Variants in OASL observed in about 807,000 individuals in gnomAD.
OASL encodes 2'-5'-oligoadenylate synthase-like protein.
In OASL, 28 loss-of-function variants were observed where a neutral mutation model predicts 35.3. That is an observed-to-expected ratio of 0.79 (90% confidence interval 0.59 to 1.09). The LOEUF (loss-of-function observed/expected upper bound fraction) is 1.09. Among genes scored for constraint, OASL ranks in the 50% least tolerant of loss-of-function variants. OASL has a pLI of 0.00. For missense variants in OASL, 620 were observed against 635.2 expected (o/e 0.98, Z 0.26); for synonymous variants, 252 against 254.6 (o/e 0.99, Z 0.10).
At chr12:121,019,387 A>AG (rs1491506694) in exon 6 of OASL, 3 of 150,540 alleles carry the variant, frequency 2.0e-5, no homozygotes, top group African/African-American at 7.3e-5. Flanking sequence ...TAGGCAAAAC[A>AG]GGGGGGCAAA....
chr12:121,026,469 CAG>C (rs1342492840), intron 4 of OASL, among the ~76,000 whole-genome samples: 1 of 152,088 alleles, frequency 6.6e-6, no homozygotes, highest in East Asian at 1.9e-4. Context: ...GGGAGTGAGA[CAG>C]TGAGACAGAT....
At chr12:121,024,045 T>A in exon 5 of OASL, 1 of 1,614,176 alleles carries the variant, frequency 6.2e-7, no homozygotes. Flanking sequence ...ACAGTCCTGT[T>A]TCAGGCACTG....
At chr12:121,024,250 A>G (rs1869386139) in intron 4 of OASL, 113 bp from the exon 5 acceptor site, 1 of 1,154,992 alleles carries the variant, frequency 8.7e-7, no homozygotes, top group Non-Finnish European at 1.2e-6. Context: ...TGATATCCAC[A>G]TCCCGGGGAT....
At chr12:121,020,269 G>A (rs1869173765) in exon 6 of OASL, 1 of 272,360 alleles carries the variant, frequency 3.7e-6, no homozygotes, top group East Asian at 7.9e-5. Context: ...GAGTGCCTGA[G>A]ACTACAAATG....
At position 121,038,925 on chromosome 12, in the gene OASL, T is replaced by C. The variant is rs199714834; in HGVS notation, c.47A>G (p.Asp16Gly). ...CTGCAGCCACTGAGCCACGAAGGAG[T>C]CCAGCCTGGAGGCTGGTGTGCTATA... Residue 16 changes from aspartate (D) to glycine (G), a missense_variant, in exon 1 of 6, where the codon GAC (aspartate) becomes GGC (glycine). Physicochemically the swap from Asp to Gly is moderately conservative, Grantham distance 94. Coordinates refer to ENST00000257570, the Ensembl canonical transcript of OASL. 53 of 1,613,998 alleles carry C rather than the reference T, an allele frequency of 3.3e-5. No homozygotes were observed. In the East Asian group the frequency reaches 1.2e-3, roughly 36 times the overall value.
At chr12:121,039,147 T>C in exon 1 of OASL, 1 of 607,438 alleles carries the variant, frequency 1.6e-6, no homozygotes, top group Non-Finnish European at 2.9e-6. Flanking sequence ...CAGGTCCCCC[T>C]TCTTGGAGAC....
chr12:121,027,549 T>G, intron 4 of OASL, 27 bp downstream of exon 4: 1 of 1,611,002 alleles, frequency 6.2e-7, no homozygotes, highest in Non-Finnish European at 8.5e-7. Flanking sequence ...TTCTGTAAGA[T>G]TTGGTGGGCA....
chr12:121,026,319 G>C (rs1869480873), intron 4 of OASL, among the ~76,000 whole-genome samples: 1 of 152,152 alleles, frequency 6.6e-6, no homozygotes. Context: ...CTACATAACA[G>C]AACACTAAAT....
chr12:121,032,178 G>A (rs1869763402), intron 2 of OASL, among the ~76,000 whole-genome samples: 1 of 151,348 alleles, frequency 6.6e-6, no homozygotes, highest in Non-Finnish European at 1.5e-5. Context: ...GGGCGACAGA[G>A]CGAGACTCCG....
At chr12:121,028,083 G>C (rs936058996) in intron 3 of OASL, among the ~76,000 whole-genome samples, 1 of 152,202 alleles carries the variant, frequency 6.6e-6, no homozygotes, top group African/African-American at 2.4e-5. Flanking sequence ...AGCAGATTGC[G>C]CTCGGTCACA....
chr12:121,025,441 A>G (rs563582261), intron 4 of OASL, among the ~76,000 whole-genome samples: 1 of 152,236 alleles, frequency 6.6e-6, no homozygotes, highest in South Asian at 2.1e-4. Context: ...TTGCTTATTA[A>G]CTTGGGGTGA....
chr12:121,030,676 G>A (rs1335722112), intron 3 of OASL, among the ~76,000 whole-genome samples: 1 of 152,100 alleles, frequency 6.6e-6, no homozygotes, highest in African/African-American at 2.4e-5. Context: ...TGCTGCCTGA[G>A]AAATGTCCCT....
At chr12:121,033,486 G>C (rs760067436) in exon 2 of OASL, 41 of 1,613,206 alleles carry the variant, frequency 2.5e-5, no homozygotes, top group Non-Finnish European at 3.2e-5. Context: ...CAGGCACAAT[G>C]GTGACCGTGA....
At chr12:121,034,325 C>T (rs1284033423) in intron 1 of OASL, among the ~76,000 whole-genome samples, 1 of 152,076 alleles carries the variant, frequency 6.6e-6, no homozygotes, top group Non-Finnish European at 1.5e-5. Context: ...CGCCACCATG[C>T]CTGGCTAATT....
rs758144066 is a variant in OASL at position 121,020,586 on chromosome 12, C to G, written c.1520G>C (p.Gly507Ala). 20 of 1,607,128 alleles carry G rather than the reference C, an allele frequency of 1.2e-5. 1 individual carries two copies. In the South Asian group the frequency reaches 2.0e-4, roughly 16 times the overall value. The change falls in exon 6 of 6, where the codon GGA becomes GCA. Residue 507 changes from glycine to alanine, a missense_variant. Coordinates refer to ENST00000257570, the Ensembl canonical transcript of OASL. Reference sequence around the variant, plus strand: ...CTAACTGGCTGGAAACAGAGCCTCTCCTTTCTTCTTCGAGAGGATGAGAGT... The same window carrying G: ...CTAACTGGCTGGAAACAGAGCCTCTGCTTTCTTCTTCGAGAGGATGAGAGT...
chr12:121,033,690 C>G, exon 2 of OASL: 1 of 1,614,060 alleles, frequency 6.2e-7, no homozygotes, highest in South Asian at 1.1e-5. Flanking sequence ...GAAACGCCAC[C>G]AGCTCCACCT....
At chr12:121,033,488 T>C (rs767930531) in exon 2 of OASL, 1 of 1,613,224 alleles carries the variant, frequency 6.2e-7, no homozygotes, top group Non-Finnish European at 8.5e-7. Context: ...GGCACAATGG[T>C]GACCGTGATG....
intron 4 of OASL, among the ~76,000 whole-genome samples, chr12:121,025,837 G>A (rs1022483056): frequency 6.6e-6 from 1 of 151,752 alleles, no homozygotes; most frequent in South Asian, 2.1e-4. Context: ...AGGGAGCTGC[G>A]ACTTCATCTG....
chr12:121,029,281 C>T (rs1869631398), intron 3 of OASL, among the ~76,000 whole-genome samples: 1 of 152,028 alleles, frequency 6.6e-6, no homozygotes, highest in African/African-American at 2.4e-5. Flanking sequence ...ACAGAATCAT[C>T]TTGTATAATT....
Sources: gnomAD v4.1 joint callset for allele counts (sites outside exome capture counted in the v4.1 genomes callset) on GRCh38, gnomAD v4.1.1 for gene constraint, MANE v1.5 for transcripts, NCBI Gene and HGNC (gene_info 2026-07-23, HGNC 2026-07-21) for gene names.